The following LACC1 variants were observed in gnomAD, a reference collection of about 807,000 sequenced individuals.
LACC1 encodes purine nucleoside phosphorylase LACC1.
In LACC1, 25 loss-of-function variants were observed where a neutral mutation model predicts 34.8. The observed-to-expected ratio is 0.72, with a 90% CI of 0.52 to 1.00. LACC1 has a LOEUF of 1.00. LACC1 is among the 50% of genes least tolerant of loss of function. The pLI is 0.00. For synonymous variants in LACC1, 162 were observed against 168.0 expected (o/e 0.96, Z 0.28); for missense variants, 426 against 511.2 (o/e 0.83, Z 1.61).
At chr13:43,889,044 A>C in intron 5 of LACC1, 62 bp downstream of exon 5, 1 of 1,362,378 alleles carries the variant, frequency 7.3e-7, no homozygotes, top group Non-Finnish European at 1.0e-6. Flanking sequence ...AATGAAATTT[A>C]TTTTGGAGAA....
chr13:43,880,925 T>C (rs1954988553), intron 1 of LACC1, 27 bp from the exon 2 acceptor site: 1 of 1,363,698 alleles, frequency 7.3e-7, no homozygotes. Context: ...TATAATCTTA[T>C]ATTCTTACAC....
At position 43,882,646 on chromosome 13, in the gene LACC1, T is replaced by G. The variant is rs6561149; in HGVS notation, c.741+283T>G. Reference sequence around the variant, plus strand: ...TGATAGGTTCTTAGAAATTGTGACTTTAAGTGAAACGACATAATAAAACCA... The same window carrying G: ...TGATAGGTTCTTAGAAATTGTGACTGTAAGTGAAACGACATAATAAAACCA... On this transcript the variant is annotated intron_variant, in intron 3 of 6. Transcript: ENST00000325686. 0.37 allele frequency among the ~76,000 whole-genome samples: 54,667 copies of G among 149,246 alleles called. 12,246 individuals carry two copies. Among genetic ancestry groups the G allele is most frequent in the Non-Finnish European group, 0.52 (34,811 of 67,370 alleles).
chr13:43,882,465 AT>A (rs938408773), intron 3 of LACC1, 102 bp downstream of exon 3: 1 of 800,306 alleles, frequency 1.2e-6, no homozygotes, highest in Non-Finnish European at 1.9e-6. Flanking sequence ...CTGCTTTTTT[AT>A]CTAAAGTTTT....
intron 4 of LACC1, among the ~76,000 whole-genome samples, chr13:43,884,358 CA>C (rs1955215683): frequency 6.6e-6 from 1 of 152,142 alleles, no homozygotes; most frequent in Non-Finnish European, 1.5e-5. Flanking sequence ...CGAAACCCTC[CA>C]AGCTTTTCAA....
chr13:43,881,702 G>A (rs1441695885), intron 2 of LACC1, among the ~76,000 whole-genome samples, 155 bp downstream of exon 2: 1 of 152,064 alleles, frequency 6.6e-6, no homozygotes, highest in Non-Finnish European at 1.5e-5. Context: ...GTCATGTTTG[G>A]CCCTGTAGTA....
At position 43,884,273 on chromosome 13, in the gene LACC1, T is replaced by A. The variant is rs532068620; in HGVS notation, c.907+337T>A. Among the ~76,000 whole-genome samples, 4 of 152,278 alleles carry A rather than the reference T, an allele frequency of 2.6e-5. No homozygotes were observed. The East Asian group carries it at 5.8e-4, about 22-fold the overall frequency. ...TTGCAGATTAAGTGTCTTTAGCCCC[T>A]GAAATCCTTAATGACAGTAGCACCT... On this transcript the variant is annotated intron_variant, in intron 4 of 6. Coordinates refer to ENST00000325686, the MANE Select transcript of LACC1 (RefSeq NM_153218.4).
intron 2 of LACC1, 116 bp downstream of exon 2, chr13:43,881,663 C>G: frequency 1.3e-6 from 1 of 764,384 alleles, no homozygotes; most frequent in South Asian, 1.9e-5. Context: ...GGGCTGATTA[C>G]TCATTAGCAT....
At chr13:43,889,744 G>A (rs891122009) in intron 5 of LACC1, among the ~76,000 whole-genome samples, 3 of 152,170 alleles carry the variant, frequency 2.0e-5, no homozygotes, top group Non-Finnish European at 2.9e-5. Flanking sequence ...AGGAGATGAA[G>A]GGCCAGATGA....
rs1955043254 is a variant in LACC1 at position 43,881,474 on chromosome 13, A to T, written c.489A>T (p.Glu163Asp). 2 of 1,613,622 alleles carry T rather than the reference A, an allele frequency of 1.2e-6. No individual in the cohort carries two copies. The highest frequency in any genetic ancestry group is 1.7e-6 in the Non-Finnish European group (2 of 1,179,952). Residue 163 changes from glutamate to aspartate, a missense_variant, in exon 2 of 7, where the codon GAA (glutamate) becomes GAT (aspartate). Around this residue, in one of 2 missense-constraint regions of LACC1, gnomAD observed 217 missense variants for 210.9 expected, o/e 1.03. Coordinates refer to ENST00000325686, the MANE Select transcript of LACC1 (RefSeq NM_153218.4). ...TAQELRGIQN[E>D]IETFLRSLPA... Reference sequence around the variant, plus strand: ...AAGAACTAAGAGGAATTCAGAATGAAATAGAAACATTTTTGAGAAGTCTGC... The same window carrying T: ...AAGAACTAAGAGGAATTCAGAATGATATAGAAACATTTTTGAGAAGTCTGC...
In LACC1 at chr13:43,887,987, T is replaced by G. The variant is rs529976841; in HGVS notation, c.908-770T>G. 5.9e-5 allele frequency among the ~76,000 whole-genome samples: 9 copies of G among 152,280 alleles called. No individual in the cohort carries two copies. The South Asian group carries it at 1.9e-3, about 32-fold the overall frequency. On this transcript the variant is annotated intron_variant, in intron 4 of 6. Coordinates refer to ENST00000325686, the MANE Select transcript of LACC1 (RefSeq NM_153218.4). ...AACTGAAATCAGGAACTCAAAGAGA[T>G]ATTTGCACACCAATGTTGATAACAC...
rs1023191341 is a variant in LACC1 at position 43,880,778 on chromosome 13, G to A, written c.-34-174G>A. 2.6e-5 allele frequency among the ~76,000 whole-genome samples: 4 copies of A among 152,230 alleles called. No individual in the cohort carries two copies. The South Asian group carries it at 8.3e-4, about 31-fold the overall frequency. On this transcript the variant is annotated intron_variant, in intron 1 of 6. Coordinates refer to ENST00000325686, the MANE Select transcript of LACC1 (RefSeq NM_153218.4). ...ATTAAAAGATGGCTTTGCTTTCACT[G>A]TCATGGTTCTGTTGTGACAGAGTAG... is the stretch of plus-strand genomic sequence containing the variant.
chr13:43,881,564 CTG>C lies in LACC1; in HGVS notation c.562+19_562+20del, dbSNP rs1955051076. On this transcript the variant is annotated intron_variant, in intron 2 of 6. Transcript: ENST00000325686. ...TGATCCCAGGTATATTAACCACTAA[CTG>C]TTGTTTTTACTTTGTACATGGAAAA... 1 of 1,539,966 alleles carries C rather than the reference CTG, an allele frequency of 6.5e-7. No homozygotes were observed. The highest frequency in any genetic ancestry group is 1.4e-5 in the African/African-American group (1 of 72,074).
chr13:43,886,458 A>G (rs1955330698), intron 4 of LACC1, among the ~76,000 whole-genome samples: 1 of 152,226 alleles, frequency 6.6e-6, no homozygotes, highest in Non-Finnish European at 1.5e-5. Context: ...CCTTACAGCA[A>G]CATAGATGCA....
chr13:43,882,034 C>T, intron 2 of LACC1, 151 bp from the exon 3 acceptor site: 1 of 560,166 alleles, frequency 1.8e-6, no homozygotes, highest in Non-Finnish European at 3.1e-6. Flanking sequence ...AAACACAAAG[C>T]AGAATGCCAT....
At chr13:43,890,557 T>C (rs1017364244) in intron 6 of LACC1, among the ~76,000 whole-genome samples, 12 of 152,200 alleles carry the variant, frequency 7.9e-5, no homozygotes, top group Non-Finnish European at 1.8e-4. Flanking sequence ...GGCAGGCTTA[T>C]GTTAAAAGTA....
intron 2 of LACC1, among the ~76,000 whole-genome samples, chr13:43,881,785 T>C (rs1458623994): frequency 3.3e-5 from 5 of 152,178 alleles, no homozygotes; most frequent in Admixed American, 3.3e-4. Context: ...AATTTGATGA[T>C]GAGACAAATA....
chr13:43,879,803 C>T (rs61959964), upstream of LACC1: 29,592 of 78,654 alleles, frequency 0.38, 3,874 homozygotes, highest in Middle Eastern at 0.51. Flanking sequence ...CGGGGCGAGG[C>T]GAGGCGGGGC....
Position 43,892,955 on chromosome 13 carries a change from C to G in LACC1, c.*1508C>G, listed in dbSNP as rs1955618738. 6.6e-6 allele frequency: 1 copy of G among 152,192 alleles called. No homozygotes were observed. The highest frequency in any genetic ancestry group is 2.1e-4 in the South Asian group (1 of 4,822). 9.4% of individuals were successfully genotyped at this position (152,192 alleles called of 1,614,324 possible). ...GGAAGAAGATGCATAGGTGTCAACTCTTTTCTGACAGCATTTACTAGAGAA... is the reference window on the plus strand; with the variant it reads ...GGAAGAAGATGCATAGGTGTCAACTGTTTTCTGACAGCATTTACTAGAGAA... On this transcript the variant is annotated 3_prime_UTR_variant, in exon 7 of 7. Transcript: ENST00000325686.
intron 6 of LACC1, 86 bp from the exon 7 acceptor site, chr13:43,891,363 A>T: frequency 1.6e-6 from 1 of 615,782 alleles, no homozygotes; most frequent in South Asian, 7.2e-5. Flanking sequence ...ACTTACAGAA[A>T]AACTTTAATA....
Sources: allele counts gnomAD v4.1 joint callset (sites outside exome capture counted in the v4.1 genomes callset), GRCh38; gene constraint gnomAD v4.1.1; regional missense constraint gnomAD v4.1.1; transcripts MANE v1.5; gene names NCBI Gene and HGNC (gene_info 2026-07-23, HGNC 2026-07-21).